Variants in FASTKD1 observed in about 807,000 individuals in gnomAD.
FASTKD1 encodes the protein FAST kinase domain-containing protein 1, mitochondrial.
Under a neutral mutation model 90.9 loss-of-function variants are expected in FASTKD1, and 94 were observed. The observed-to-expected ratio is 1.03, with a 90% CI of 0.88 to 1.23. The LOEUF (loss-of-function observed/expected upper bound fraction) is 1.23. Among genes scored for constraint, FASTKD1 ranks in the 50% most tolerant of loss-of-function variants. FASTKD1 has a pLI of 0.00. For missense variants in FASTKD1, 945 were observed against 993.5 expected (o/e 0.95, Z 0.66); for synonymous variants, 319 against 345.8 (o/e 0.92, Z 0.86).
chr2:169,561,950 A>C (rs28420960), intron 4 of FASTKD1, among the ~76,000 whole-genome samples: 5,640 of 73,964 alleles, frequency 0.076, 967 homozygotes, highest in Admixed American at 0.11. Context: ...TTATAAATTA[A>C]TTATTAATTT....
rs888988869 is a variant in FASTKD1, at chr2:169,543,592, C to T, written c.1816+1129G>A. ...CCAGTATTGTAGTTACATAGGAGAACGTCCTTATAACCTGAAGTACACAGA... is the reference window on the plus strand; with the variant it reads ...CCAGTATTGTAGTTACATAGGAGAATGTCCTTATAACCTGAAGTACACAGA... On this transcript the variant is annotated intron_variant, in intron 9 of 14. Coordinates refer to ENST00000453153, the MANE Select transcript of FASTKD1 (RefSeq NM_024622.6). 4.6e-5 allele frequency among the ~76,000 whole-genome samples: 7 copies of T among 152,218 alleles called. No homozygotes were observed. In the East Asian group the frequency reaches 1.4e-3, roughly 29 times the overall value.
intron 7 of FASTKD1, among the ~76,000 whole-genome samples, chr2:169,546,905 T>C (rs1685233009): frequency 6.6e-6 from 1 of 152,154 alleles, no homozygotes. Flanking sequence ...GTGGGAGTTC[T>C]TCCAAGCAGC....
rs755087519 is a variant in FASTKD1, at chr2:169,544,775, G to C, written c.1762C>G (p.Pro588Ala). Reference protein sequence around the residue: ...RPFSVLNYDPPQRDEFLGTCV... With the variant: ...RPFSVLNYDPAQRDEFLGTCV... ...GTTCCCAAAAATTCATCCCTTTGAG[G>C]TGGATCATAGTTCAATACGCTGAAT... The change falls in exon 9 of 15, where the codon CCT (proline) becomes GCT (alanine). Residue 588 changes from proline (P) to alanine (A), a missense_variant. Coordinates refer to ENST00000453153, the MANE Select transcript of FASTKD1 (RefSeq NM_024622.6). 6.2e-7 allele frequency: 1 copy of C among 1,613,158 alleles called. No homozygotes were observed. Among genetic ancestry groups the C allele is most frequent in the South Asian group, 1.1e-5 (1 of 91,036 alleles).
Position 169,560,569 on chromosome 2 carries a change from A to G in FASTKD1, c.789T>C (p.Leu263=). 6.2e-7 allele frequency: 1 copy of G among 1,605,606 alleles called. No individual in the cohort carries two copies. Among genetic ancestry groups the G allele is most frequent in the Non-Finnish European group, 8.5e-7 (1 of 1,176,676 alleles). ...GTATTTTACTGATGGAATCCAAATC[A>G]AGGTGGTCCACATTACTTAAAAATA... ...NNVFLSNVDH[L]DLDSISKILS... The change falls in exon 5 of 15, where the codon CTT becomes CTC. Residue 263 remains leucine, a synonymous_variant. Transcript: ENST00000453153.
At position 169,572,104 on chromosome 2, in the gene FASTKD1, T is replaced by A. The variant is rs1684262357; in HGVS notation, c.-75A>T. The stretch of plus-strand genomic sequence containing the variant: ...CAGGTGCAATAAGCAGGGATACAAA[T>A]AACAGTTTTTCCTTCATGTATTTTG... On this transcript the variant is annotated 5_prime_UTR_variant, in exon 2 of 15. Coordinates refer to ENST00000453153, the MANE Select transcript of FASTKD1 (RefSeq NM_024622.6). The A allele has an allele frequency of 1.3e-6, 2 of 1,496,792 alleles. No individual in the cohort carries two copies. Among genetic ancestry groups the A allele is most frequent in the Middle Eastern group, 2.2e-4 (1 of 4,568 alleles). 92.7% of individuals were successfully genotyped at this position (1,496,792 alleles called of 1,614,324 possible).
intron 8 of FASTKD1, among the ~76,000 whole-genome samples, chr2:169,545,390 CTTT>C (rs1010099952): frequency 2.9e-4 from 44 of 152,130 alleles, no homozygotes; most frequent in African/African-American, 8.9e-4. Context: ...CTTTCATTTG[CTTT>C]TTTATTTCAT....
At chr2:169,534,553 G>A (rs552205989) in intron 12 of FASTKD1, among the ~76,000 whole-genome samples, 2 of 149,212 alleles carry the variant, frequency 1.3e-5, no homozygotes, top group South Asian at 4.4e-4. Flanking sequence ...TCCGTCTCCC[G>A]GGTTCAAGCG....
chr2:169,537,593 A>T (rs946443213), intron 11 of FASTKD1, among the ~76,000 whole-genome samples: 1 of 152,120 alleles, frequency 6.6e-6, no homozygotes, highest in East Asian at 1.9e-4. Flanking sequence ...CATGTTGGTC[A>T]GGCTGGTCTC....
At chr2:169,550,173 A>ATATT (rs1685424822) in intron 7 of FASTKD1, among the ~76,000 whole-genome samples, 1 of 151,922 alleles carries the variant, frequency 6.6e-6, no homozygotes, top group Non-Finnish European at 1.5e-5. Flanking sequence ...ATGCCTTATC[A>ATATT]TATTTTTTAC....
chr2:169,529,833 A>G lies in FASTKD1; in HGVS notation c.2536T>C (p.Cys846Arg), dbSNP rs1361977065. 3.1e-6 allele frequency: 5 copies of G among 1,607,152 alleles called. No homozygotes were observed. The highest frequency in any genetic ancestry group is 2.7e-5 in the African/African-American group (2 of 74,714). ...RECIFGEVKS[C>R]L The stretch of plus-strand genomic sequence containing the variant: ...TTCATTTTAAATAAAAACTACAAAC[A>G]TGACTTGACTTCTCCAAATATACAT... The change falls in exon 15 of 15, where the codon TGT (cysteine) becomes CGT (arginine). Residue 846 changes from cysteine to arginine, a missense_variant. Cys to Arg is a radical substitution (Grantham distance 180). Transcript: ENST00000453153.
intron 12 of FASTKD1, among the ~76,000 whole-genome samples, chr2:169,534,291 C>T (rs1054307254): frequency 2.0e-5 from 3 of 149,064 alleles, no homozygotes; most frequent in East Asian, 4.0e-4. Flanking sequence ...TATAAAAGAG[C>T]ATCCTCTGTT....
At chr2:169,559,084 C>T (rs1683466457) in intron 5 of FASTKD1, among the ~76,000 whole-genome samples, 1 of 151,094 alleles carries the variant, frequency 6.6e-6, no homozygotes, top group African/African-American at 2.4e-5. Context: ...AAGCGATTCT[C>T]CTGCCTCAGC....
At chr2:169,565,386 A>C (rs1683925923) in intron 3 of FASTKD1, among the ~76,000 whole-genome samples, 1 of 148,476 alleles carries the variant, frequency 6.7e-6, no homozygotes, top group South Asian at 2.1e-4. Flanking sequence ...CTTCAGCCTC[A>C]GGAGTAGCTG....
At chr2:169,565,255 T>A (rs1683913607) in intron 3 of FASTKD1, among the ~76,000 whole-genome samples, 1 of 99,868 alleles carries the variant, frequency 1.0e-5, no homozygotes, top group Admixed American at 1.0e-4. Flanking sequence ...CAGGCTTTTT[T>A]TTTTTTTTTT....
intron 7 of FASTKD1, among the ~76,000 whole-genome samples, chr2:169,553,145 C>T: frequency 6.6e-6 from 1 of 151,820 alleles, no homozygotes; most frequent in Non-Finnish European, 1.5e-5. Flanking sequence ...GCGGAGGTTG[C>T]AGTGAGCCGA....
intron 7 of FASTKD1, among the ~76,000 whole-genome samples, 167 bp downstream of exon 7, chr2:169,554,957 T>G (rs751623450): frequency 6.6e-6 from 1 of 152,204 alleles, no homozygotes; most frequent in Non-Finnish European, 1.5e-5. Flanking sequence ...ATACCCAGCA[T>G]GGGCACTGGC....
At chr2:169,568,663 CAGAAAAAGAGAGA>C (rs1559161904) in intron 3 of FASTKD1, among the ~76,000 whole-genome samples, 2 of 106,166 alleles carry the variant, frequency 1.9e-5, no homozygotes, top group African/African-American at 6.8e-5. Flanking sequence ...AAAAGAGAGA[CAGAAAAAGAGAGA>C]AGAAAAAGAA....
At position 169,560,634 on chromosome 2, in the gene FASTKD1, T is replaced by G; in HGVS notation, c.724A>C (p.Arg242=). 5 of 1,613,042 alleles carry G rather than the reference T, an allele frequency of 3.1e-6. No individual in the cohort carries two copies. Among genetic ancestry groups the G allele is most frequent in the Non-Finnish European group, 4.2e-6 (5 of 1,179,702 alleles). ...KSIAKFLRNV[R]YRYQPLLERC... ...TCTAATAGTGGTTGATAACGATATC[T>G]AACATTTCGAAGAAACTTTGCTATG... The change falls in exon 5 of 15, where the codon AGA becomes CGA. Residue 242 remains arginine, a synonymous_variant. Transcript: ENST00000453153.
chr2:169,534,183 C>CAA lies in FASTKD1; in HGVS notation c.2189-2695_2189-2694dup, dbSNP rs71003097. Among the ~76,000 whole-genome samples the CAA allele has an allele frequency of 2.7e-3, 127 of 46,320 alleles. 4 individuals carry two copies. Among genetic ancestry groups the CAA allele is most frequent in the African/African-American group, 0.011 (116 of 10,408 alleles). 30.4% of individuals were successfully genotyped at this position (46,320 alleles called of 152,430 possible). ...TGGGTGACAGAACAAGACCCTTTCT[C>CAA]AAAAAAAAAAAAAAAAAAAAAAAAA... On this transcript the variant is annotated intron_variant, in intron 12 of 14. Transcript: ENST00000453153.
Sources: allele counts gnomAD v4.1 joint callset (sites outside exome capture counted in the v4.1 genomes callset), GRCh38; gene constraint gnomAD v4.1.1; transcripts MANE v1.5; gene names NCBI Gene and HGNC (gene_info 2026-07-23, HGNC 2026-07-21).